SOX5: variants seen among roughly 807,000 people sequenced by gnomAD.
SOX5 encodes SRY-box transcription factor 5.
In SOX5, 9 loss-of-function variants were observed where a neutral mutation model predicts 92.0. The ratio of observed to expected loss-of-function variants is 0.10; its 90% CI spans 0.06 to 0.17. The LOEUF is 0.17. Ranked by LOEUF, SOX5 falls within the 10% of genes least tolerant of loss-of-function variation. The probability of loss-of-function intolerance (pLI) is 1.00; values close to 1 mark genes in which losing one functional copy is unlikely to be tolerated. For synonymous variants in SOX5, 344 were observed against 336.3 expected, an observed-to-expected ratio of 1.02 and a Z score of -0.25; for missense variants, 642 against 944.5, an observed-to-expected ratio of 0.68 and a Z score of 4.20.
chr12:23,603,280 T>A (rs994032606), intron 9 of SOX5, among the ~76,000 whole-genome samples: 2 of 151,738 alleles, frequency 1.3e-5, no homozygotes, highest in Non-Finnish European at 2.9e-5. Flanking sequence ...TTTTGAGGAT[T>A]CTTGGATTTT....
At chr12:23,747,273 T>C (rs1359145631) in intron 4 of SOX5, among the ~76,000 whole-genome samples, 1 of 152,128 alleles carries the variant, frequency 6.6e-6, no homozygotes, top group African/African-American at 2.4e-5. Context: ...CACTATCATC[T>C]CTTGCCTTTA....
chr12:24,325,564 C>A (rs186130670), intron 2 of SOX5, among the ~76,000 whole-genome samples: 1 of 152,034 alleles, frequency 6.6e-6, no homozygotes, highest in African/African-American at 2.4e-5. Flanking sequence ...AATGAAGAAC[C>A]GAGCCACCCA....
intron 1 of SOX5, among the ~76,000 whole-genome samples, chr12:23,940,261 C>A (rs1425728814): frequency 1.3e-5 from 2 of 151,132 alleles, no homozygotes; most frequent in Non-Finnish European, 3.0e-5. Context: ...CTTCAAATAG[C>A]TCAGAGCAAA....
intron 3 of SOX5, among the ~76,000 whole-genome samples, chr12:24,224,153 C>A (rs1016047742): frequency 6.6e-6 from 1 of 152,130 alleles, no homozygotes; most frequent in Admixed American, 6.5e-5. Flanking sequence ...AGCCCGGCAA[C>A]CCAGGATGAC....
chr12:23,963,654 C>T (rs1947212758), intron 4 of SOX5, among the ~76,000 whole-genome samples: 2 of 149,640 alleles, frequency 1.3e-5, no homozygotes, highest in Non-Finnish European at 3.0e-5. Context: ...TGCAGGCATG[C>T]ATGAATGAAG....
intron 2 of SOX5, among the ~76,000 whole-genome samples, chr12:23,876,491 A>G (rs2136977496): frequency 6.6e-6 from 1 of 152,374 alleles, no homozygotes; most frequent in Admixed American, 6.5e-5. Flanking sequence ...GATGCTGCAG[A>G]GGATGTGGAG....
chr12:24,027,815 A>T (rs188839987), intron 4 of SOX5, among the ~76,000 whole-genome samples: 11 of 152,010 alleles, frequency 7.2e-5, no homozygotes, highest in African/African-American at 2.4e-4. Flanking sequence ...CCAAGTCACC[A>T]TCCTCAATCC....
chr12:24,078,629 G>A (rs987362361), intron 4 of SOX5, among the ~76,000 whole-genome samples: 5 of 151,968 alleles, frequency 3.3e-5, no homozygotes, highest in African/African-American at 1.2e-4. Context: ...AGAGACAGGA[G>A]GCAGGGAGTC....
chr12:24,236,069 G>A (rs549316413), intron 3 of SOX5, among the ~76,000 whole-genome samples: 1 of 152,188 alleles, frequency 6.6e-6, no homozygotes, highest in East Asian at 1.9e-4. Flanking sequence ...GCGGGCACCT[G>A]TAGTCCCAGC....
chr12:24,054,066 G>T (rs771063001), intron 4 of SOX5, among the ~76,000 whole-genome samples: 18 of 152,178 alleles, frequency 1.2e-4, no homozygotes, highest in African/African-American at 1.7e-4. Flanking sequence ...ATCGAAAGAT[G>T]CAACTCTTTA....
intron 6 of SOX5, among the ~76,000 whole-genome samples, chr12:23,707,783 A>G (rs1271520059): frequency 6.6e-6 from 1 of 152,162 alleles, no homozygotes; most frequent in African/African-American, 2.4e-5. Context: ...TTCATAAAGA[A>G]CTAAGAAGTT....
chr12:23,863,990 T>G (rs1271900492), intron 2 of SOX5, among the ~76,000 whole-genome samples: 4 of 152,092 alleles, frequency 2.6e-5, no homozygotes, highest in South Asian at 4.2e-4. Flanking sequence ...CTTTTTTTTT[T>G]TTGTTAACAA....
chr12:24,392,764 C>G (rs1038777545), intron 1 of SOX5, among the ~76,000 whole-genome samples: 2 of 152,126 alleles, frequency 1.3e-5, no homozygotes, highest in Admixed American at 1.3e-4. Flanking sequence ...ATAATGGACA[C>G]ATAGTAAACA....
At chr12:24,101,233 G>C (rs1946059023) in intron 4 of SOX5, among the ~76,000 whole-genome samples, 1 of 152,088 alleles carries the variant, frequency 6.6e-6, no homozygotes, top group Admixed American at 6.6e-5. Context: ...TTCCACACAA[G>C]TAACAATACT....
At chr12:24,338,628 T>C (rs762209017) in intron 2 of SOX5, among the ~76,000 whole-genome samples, 4 of 152,216 alleles carry the variant, frequency 2.6e-5, no homozygotes, top group African/African-American at 4.8e-5. Context: ...AAGCCTTACA[T>C]TGAACTGTAG....
chr12:24,371,078 G>T lies in SOX5; in HGVS notation c.-250-2439C>A, dbSNP rs1956687490. 2.0e-5 allele frequency among the ~76,000 whole-genome samples: 3 copies of T among 152,246 alleles called. No homozygotes were observed. In the South Asian group the frequency reaches 6.2e-4, roughly 32 times the overall value. Reference sequence around the variant, plus strand: ...TGATTTTGAGACAGATTATCTACATGACCCTTACCTAATCAATTACGTATG... The same window carrying T: ...TGATTTTGAGACAGATTATCTACATTACCCTTACCTAATCAATTACGTATG... On this transcript the variant is annotated intron_variant, in intron 1 of 4. Coordinates refer to the SOX5 transcript ENST00000446891.
intron 2 of SOX5, among the ~76,000 whole-genome samples, chr12:24,348,446 G>T (rs1344625011): frequency 6.6e-6 from 1 of 151,844 alleles, no homozygotes; most frequent in Admixed American, 6.6e-5. Flanking sequence ...GCAGTGGCGT[G>T]ATCTTGGCTC....
intron 6 of SOX5, among the ~76,000 whole-genome samples, chr12:23,692,398 C>A (rs971858999): frequency 1.3e-5 from 2 of 148,168 alleles, no homozygotes; most frequent in South Asian, 2.1e-4. Context: ...GATTGCACCA[C>A]TGCACTTCAG....
chr12:23,722,147 T>C (rs942355271), intron 6 of SOX5, among the ~76,000 whole-genome samples: 8 of 152,186 alleles, frequency 5.3e-5, no homozygotes, highest in African/African-American at 1.9e-4. Context: ...GCATAAAAAA[T>C]TGTTATTTTC....
Sources: allele counts gnomAD v4.1 joint callset (sites outside exome capture counted in the v4.1 genomes callset), GRCh38; gene constraint gnomAD v4.1.1; transcripts MANE v1.5; gene names NCBI Gene and HGNC (gene_info 2026-07-23, HGNC 2026-07-21).